SLC12A8: variants seen among roughly 807,000 people sequenced by gnomAD.
SLC12A8 encodes the protein cation-chloride cotransporter 9.
SLC12A8 carries 69 observed loss-of-function variants against 75.6 expected under a neutral mutation model. The ratio of observed to expected loss-of-function variants is 0.91; its 90% CI spans 0.75 to 1.11. SLC12A8 has a LOEUF of 1.11. SLC12A8 is among the 50% of genes most tolerant of loss of function. SLC12A8 has a pLI of 0.00. For synonymous variants in SLC12A8, 365 were observed against 372.8 expected (o/e 0.98, Z 0.24); for missense variants, 877 against 896.7 (o/e 0.98, Z 0.28).
intron 10 of SLC12A8, among the ~76,000 whole-genome samples, chr3:125,106,352 G>GTTTTTTT (rs113822511): frequency 0.17 from 25,921 of 149,302 alleles, 2,417 homozygotes; most frequent in Middle Eastern, 0.33. Context: ...GGTTTTTGGG[G>GTTTTTTT]TTTTTTGTTG....
At chr3:125,147,578 A>T in intron 5 of SLC12A8, among the ~76,000 whole-genome samples, 1 of 152,094 alleles carries the variant, frequency 6.6e-6, no homozygotes, top group East Asian at 1.9e-4. Flanking sequence ...TCCCCTCCTC[A>T]TCCGCAGGTG....
At chr3:125,201,720 A>AAAG (rs1935124923) in intron 2 of SLC12A8, among the ~76,000 whole-genome samples, 1 of 150,744 alleles carries the variant, frequency 6.6e-6, no homozygotes, top group Non-Finnish European at 1.5e-5. Context: ...AAAAAAAAAA[A>AAAG]AAGAAGCATC....
chr3:125,174,393 G>A (rs1044985503), intron 5 of SLC12A8, among the ~76,000 whole-genome samples: 3 of 152,206 alleles, frequency 2.0e-5, no homozygotes, highest in African/African-American at 7.2e-5. Flanking sequence ...TGGTGGGAAT[G>A]CAAAATGGTA....
At chr3:125,126,003 A>C (rs1933196986) in intron 6 of SLC12A8, 2 of 836,386 alleles carry the variant, frequency 2.4e-6, no homozygotes, top group African/African-American at 3.7e-5. Context: ...TTTAAACGCC[A>C]ATTCCAGGAA....
intron 5 of SLC12A8, among the ~76,000 whole-genome samples, chr3:125,160,814 G>A (rs1934150531): frequency 6.6e-6 from 1 of 151,224 alleles, no homozygotes; most frequent in Non-Finnish European, 1.5e-5. Flanking sequence ...AAACACAGGT[G>A]GTCACATGGG....
intron 2 of SLC12A8, among the ~76,000 whole-genome samples, chr3:125,198,248 G>T (rs1347820922): frequency 7.9e-5 from 8 of 101,898 alleles, no homozygotes. Flanking sequence ...TAACCAACAT[G>T]TGTTCTTTAA....
At chr3:125,160,803 T>A (rs531959728) in intron 5 of SLC12A8, among the ~76,000 whole-genome samples, 1 of 152,182 alleles carries the variant, frequency 6.6e-6, no homozygotes, top group Admixed American at 6.5e-5. Flanking sequence ...GGACTCATCA[T>A]AAACACAGGT....
chr3:125,198,476 T>C (rs1935048954), intron 2 of SLC12A8, among the ~76,000 whole-genome samples: 1 of 151,840 alleles, frequency 6.6e-6, no homozygotes, highest in South Asian at 2.1e-4. Flanking sequence ...CTACTAAAAA[T>C]ACAAAAATTA....
chr3:125,210,703 A>G (rs535534177), intron 2 of SLC12A8, among the ~76,000 whole-genome samples: 1 of 152,292 alleles, frequency 6.6e-6, no homozygotes, highest in South Asian at 2.1e-4. Context: ...GTGATCATGG[A>G]TGGCAAAGAC....
intron 5 of SLC12A8, among the ~76,000 whole-genome samples, chr3:125,175,450 C>A (rs1579524523): frequency 6.6e-6 from 1 of 152,278 alleles, no homozygotes; most frequent in Middle Eastern, 3.4e-3. Flanking sequence ...TCACACTACA[C>A]TCTACTAATG....
rs758091443 is a variant in SLC12A8 at position 125,187,412 on chromosome 3, A to G, written c.215T>C (p.Leu72Pro). Residue 72 changes from leucine to proline, a missense_variant, in exon 4 of 14, where the codon CTC becomes CCC. Coordinates refer to ENST00000469902, the MANE Select transcript of SLC12A8 (RefSeq NM_024628.6). ...TGWLVGNTGV[L>P]LGMFLVSFVI... ...GAAGGACACCAGGAACATGCCCAGG[A>G]GCACTCCTGTGTTTCCCTGCAGCAG... is the stretch of plus-strand genomic sequence containing the variant. 6.2e-7 allele frequency: 1 copy of G among 1,614,104 alleles called. No individual in the cohort carries two copies.
intron 2 of SLC12A8, among the ~76,000 whole-genome samples, chr3:125,193,058 C>T (rs139539883): frequency 4.6e-5 from 7 of 152,356 alleles, no homozygotes; most frequent in South Asian, 2.1e-4. Context: ...CGCTGCCTCC[C>T]AGGCATCCAT....
chr3:125,093,154 A>G (rs1322308890), intron 10 of SLC12A8, among the ~76,000 whole-genome samples: 4 of 152,224 alleles, frequency 2.6e-5, no homozygotes, highest in Non-Finnish European at 4.4e-5. Context: ...GTTTAACAAT[A>G]TGGTCTAATC....
At chr3:125,142,226 C>T (rs184343137) in intron 5 of SLC12A8, among the ~76,000 whole-genome samples, 184 of 152,296 alleles carry the variant, frequency 1.2e-3, no homozygotes, top group Non-Finnish European at 2.2e-3. Flanking sequence ...CACTTGTCAC[C>T]CACAAGAGTT....
Position 125,149,708 on chromosome 3 carries a change from A to G in SLC12A8, c.623-13926T>C, listed in dbSNP as rs151001292. Reference sequence around the variant, plus strand: ...GCCAGGAAGGGAGAGAAAGAGAAGAAATGGAAGGTGAGGAGGGATGGGGAG... The same window carrying G: ...GCCAGGAAGGGAGAGAAAGAGAAGAGATGGAAGGTGAGGAGGGATGGGGAG... On this transcript the variant is annotated intron_variant, in intron 5 of 13. Transcript: ENST00000469902. 2.1e-3 allele frequency among the ~76,000 whole-genome samples: 313 copies of G among 152,230 alleles called. 1 individual carries two copies. Among genetic ancestry groups the G allele is most frequent in the African/African-American group, 7.0e-3 (292 of 41,530 alleles).
chr3:125,141,513 G>A (rs1377935128), intron 5 of SLC12A8, among the ~76,000 whole-genome samples: 2 of 152,260 alleles, frequency 1.3e-5, no homozygotes, highest in African/African-American at 4.8e-5. Context: ...GGGGCTCTGG[G>A]TGGCACCTGC....
In SLC12A8 at chr3:125,177,779, C is replaced by G; in HGVS notation, c.586G>C (p.Asp196His). Residue 196 changes from aspartate (D) to histidine (H), a missense_variant, in exon 5 of 14, where the codon GAC becomes CAC. Asp to His is a moderately conservative substitution (Grantham distance 81). Coordinates refer to ENST00000469902, the MANE Select transcript of SLC12A8 (RefSeq NM_024628.6). The part of the protein sequence containing the change: ...LLFLLAVSTL[D>H]FVVGSFTHLD... Reference sequence around the variant, plus strand: ...TGGGTGAAAGAACCCACCACAAAGTCCAGTGTGGACACGGCCAGCAGGAAC... The same window carrying G: ...TGGGTGAAAGAACCCACCACAAAGTGCAGTGTGGACACGGCCAGCAGGAAC... The G allele has an allele frequency of 6.2e-7, 1 of 1,614,188 alleles. No individual in the cohort carries two copies.
intron 10 of SLC12A8, among the ~76,000 whole-genome samples, chr3:125,099,403 A>G (rs1369245341): frequency 2.0e-5 from 3 of 152,228 alleles, no homozygotes; most frequent in Admixed American, 2.0e-4. Flanking sequence ...TTCAACGAAA[A>G]ATTACAAGAC....
intron 8 of SLC12A8, among the ~76,000 whole-genome samples, chr3:125,114,888 T>C (rs1001693300): frequency 6.6e-6 from 1 of 152,240 alleles, no homozygotes; most frequent in Non-Finnish European, 1.5e-5. Flanking sequence ...ATTTAATCTA[T>C]TTAATTTCAC....
Sources: allele counts gnomAD v4.1 joint callset (sites outside exome capture counted in the v4.1 genomes callset), GRCh38; gene constraint gnomAD v4.1.1; transcripts MANE v1.5; gene names NCBI Gene and HGNC (gene_info 2026-07-23, HGNC 2026-07-21).